The following ZFPM2 variants were observed in gnomAD, a reference collection of about 807,000 sequenced individuals.
The protein encoded by ZFPM2 is zinc finger protein ZFPM2.
Under a neutral mutation model 98.6 loss-of-function variants are expected in ZFPM2, and 20 were observed. The ratio of observed to expected loss-of-function variants is 0.20; its 90% CI spans 0.14 to 0.29. The LOEUF is 0.29. Among genes scored for constraint, ZFPM2 ranks in the 10% least tolerant of loss-of-function variants. The pLI, the probability that ZFPM2 is intolerant of heterozygous loss-of-function variation, is 1.00. For synonymous variants in ZFPM2, 518 were observed against 502.7 expected (o/e 1.03, Z -0.41); for missense variants, 1,310 against 1,388.6 (o/e 0.94, Z 0.90).
intron 3 of ZFPM2, among the ~76,000 whole-genome samples, chr8:105,446,188 G>A (rs559982157): frequency 6.6e-6 from 1 of 152,292 alleles, no homozygotes; most frequent in African/African-American, 2.4e-5. Context: ...CCAAAGTGCT[G>A]GGATTACAGG....
intron 6 of ZFPM2, 63 bp downstream of exon 6, chr8:105,788,987 T>C: frequency 7.2e-7 from 1 of 1,381,456 alleles, no homozygotes; most frequent in Non-Finnish European, 9.8e-7. Flanking sequence ...GAGAAAAAAA[T>C]GTCTACTGAC....
At chr8:105,570,701 G>T (rs1308434252) in intron 4 of ZFPM2, among the ~76,000 whole-genome samples, 1 of 152,080 alleles carries the variant, frequency 6.6e-6, no homozygotes, top group Non-Finnish European at 1.5e-5. Flanking sequence ...TTTTTCTCCT[G>T]ATGGTGAAGT....
intron 3 of ZFPM2, among the ~76,000 whole-genome samples, chr8:105,546,979 T>C (rs973864852): frequency 2.8e-4 from 42 of 152,140 alleles, no homozygotes; most frequent in African/African-American, 1.0e-3. Context: ...TCCCTTTTTT[T>C]GGGGAGGAGG....
chr8:105,330,543 TATATATATAC>T (rs1475140786), intron 1 of ZFPM2, among the ~76,000 whole-genome samples: 22 of 83,978 alleles, frequency 2.6e-4, no homozygotes, highest in African/African-American at 8.6e-4. Context: ...TCTCTCTATA[TATATATATAC>T]ATATATATAT....
intron 5 of ZFPM2, among the ~76,000 whole-genome samples, chr8:105,783,243 T>C (rs1232842977): frequency 7.1e-6 from 1 of 140,522 alleles, no homozygotes; most frequent in East Asian, 2.2e-4. Context: ...TTGGTTTTCC[T>C]AAAATCATCT....
intron 3 of ZFPM2, among the ~76,000 whole-genome samples, chr8:105,532,403 C>T (rs1814315827): frequency 6.6e-6 from 1 of 152,054 alleles, no homozygotes; most frequent in Non-Finnish European, 1.5e-5. Context: ...TTGTTTCTGC[C>T]ATCAAGTAGT....
intron 3 of ZFPM2, among the ~76,000 whole-genome samples, chr8:105,522,586 C>G (rs1321130325): frequency 6.6e-6 from 1 of 151,882 alleles, no homozygotes; most frequent in Non-Finnish European, 1.5e-5. Context: ...CCTGGCCAAC[C>G]TAGTGAAACC....
At chr8:105,417,183 C>T (rs1199364962) in intron 1 of ZFPM2, among the ~76,000 whole-genome samples, 2 of 151,974 alleles carry the variant, frequency 1.3e-5, no homozygotes, top group Non-Finnish European at 2.9e-5. Context: ...TTCACATTAG[C>T]GTTTTCACTT....
chr8:105,715,671 T>G (rs923209436), intron 5 of ZFPM2, among the ~76,000 whole-genome samples: 1 of 152,018 alleles, frequency 6.6e-6, no homozygotes. Flanking sequence ...TTAACTGGCT[T>G]TTTCACCAAA....
At chr8:105,567,190 T>C (rs960885491) in intron 4 of ZFPM2, among the ~76,000 whole-genome samples, 1 of 152,192 alleles carries the variant, frequency 6.6e-6, no homozygotes, top group African/African-American at 2.4e-5. Flanking sequence ...ACATATCCTG[T>C]AGCAAATATA....
chr8:105,364,490 A>G (rs1328183496), intron 1 of ZFPM2, among the ~76,000 whole-genome samples: 1 of 152,048 alleles, frequency 6.6e-6, no homozygotes, highest in Non-Finnish European at 1.5e-5. Context: ...ATTAGTAAAG[A>G]TCTTATATTC....
intron 5 of ZFPM2, among the ~76,000 whole-genome samples, chr8:105,648,967 G>A (rs1213525118): frequency 6.6e-6 from 1 of 152,112 alleles, no homozygotes. Context: ...ATTACCTTGG[G>A]TAGTATGGCT....
intron 5 of ZFPM2, among the ~76,000 whole-genome samples, chr8:105,663,177 A>G (rs983631881): frequency 1.1e-4 from 16 of 152,222 alleles, no homozygotes; most frequent in African/African-American, 3.9e-4. Flanking sequence ...ACTGGGAATG[A>G]AATGGATAAT....
chr8:105,782,491 T>G (rs1813279596), intron 5 of ZFPM2: 1 of 152,174 alleles, frequency 6.6e-6, no homozygotes, highest in South Asian at 2.1e-4. Context: ...TTCCTTAAAA[T>G]AAGAACATTT....
intron 4 of ZFPM2, among the ~76,000 whole-genome samples, chr8:105,612,526 C>T (rs1816328022): frequency 6.6e-6 from 1 of 152,094 alleles, no homozygotes; most frequent in Admixed American, 6.6e-5. Context: ...CTAGGATTCC[C>T]TGTATTTAAT....
intron 1 of ZFPM2, among the ~76,000 whole-genome samples, chr8:105,395,406 G>T (rs1253499902): frequency 1.3e-5 from 2 of 152,030 alleles, no homozygotes; most frequent in African/African-American, 2.4e-5. Flanking sequence ...TAGTGCATTA[G>T]AACACTAACC....
Position 105,801,271 on chromosome 8 carries a change from A to G in ZFPM2, c.1189A>G (p.Met397Val), listed in dbSNP as rs1320509229. 1.9e-6 allele frequency: 3 copies of G among 1,613,948 alleles called. No individual in the cohort carries two copies. Among genetic ancestry groups the G allele is most frequent in the Non-Finnish European group, 2.5e-6 (3 of 1,179,882 alleles). The stretch of plus-strand genomic sequence containing the variant: ...CGGCAAACTTCCCAGAGAAAGTGAC[A>G]TGGAACACTCTCCAAGTGCAACTGA... The part of the protein sequence containing the change: ...PSGKLPRESD[M>V]EHSPSATEDS... Residue 397 changes from methionine to valine, a missense_variant, in exon 8 of 8, where the codon ATG becomes GTG. Coordinates refer to ENST00000407775, the MANE Select transcript of ZFPM2 (RefSeq NM_012082.4).
At chr8:105,599,391 T>TAAAAAAAA (rs71577982) in intron 4 of ZFPM2, among the ~76,000 whole-genome samples, 19,094 of 136,342 alleles carry the variant, frequency 0.14, 1,508 homozygotes, top group South Asian at 0.2. Context: ...TTTTCGTCTT[T>TAAAAAAAA]AAAAAAAAAA....
intron 5 of ZFPM2, among the ~76,000 whole-genome samples, chr8:105,660,594 AATATCT>A (rs1237224449): frequency 2.0e-5 from 3 of 152,218 alleles, no homozygotes; most frequent in African/African-American, 4.8e-5. Context: ...TGCGTATATG[AATATCT>A]ATATCTATCT....
Sources: allele counts gnomAD v4.1 joint callset (sites outside exome capture counted in the v4.1 genomes callset), GRCh38; gene constraint gnomAD v4.1.1; transcripts MANE v1.5; gene names NCBI Gene and HGNC (gene_info 2026-07-23, HGNC 2026-07-21).